CTNNA3: variants seen among roughly 807,000 people sequenced by gnomAD.
The protein encoded by CTNNA3 is catenin alpha-3.
Under a neutral mutation model 95.7 loss-of-function variants are expected in CTNNA3, and 76 were observed. That is an observed-to-expected ratio of 0.79 (90% CI 0.66 to 0.96). The LOEUF is 0.96. Ranked by LOEUF, CTNNA3 falls within the 40% of genes least tolerant of loss-of-function variation. The probability of loss-of-function intolerance (pLI) is 0.00; values close to 1 mark genes in which losing one functional copy is unlikely to be tolerated. For missense variants in CTNNA3, 1,191 were observed against 1,089.8 expected (o/e 1.09, Z -1.31); for synonymous variants, 431 against 374.4 (o/e 1.15, Z -1.74).
intron 5 of CTNNA3, among the ~76,000 whole-genome samples, chr10:67,331,595 G>C (rs1841797806): frequency 6.6e-6 from 1 of 152,110 alleles, no homozygotes; most frequent in South Asian, 2.1e-4. Context: ...CTATCACTCA[G>C]CTATTCAAGT....
intron 7 of CTNNA3, among the ~76,000 whole-genome samples, chr10:67,002,872 C>T (rs999216647): frequency 2.6e-5 from 4 of 151,976 alleles, no homozygotes; most frequent in Non-Finnish European, 5.9e-5. Flanking sequence ...ATAAACTAGA[C>T]TAGGAAAGGA....
At position 66,401,846 on chromosome 10, in the gene CTNNA3, A is replaced by G. The variant is rs539966121; in HGVS notation, c.1532-22494T>C. 9.4e-3 allele frequency among the ~76,000 whole-genome samples: 1,424 copies of G among 151,800 alleles called. 7 individuals are homozygous for G. Among genetic ancestry groups the G allele is most frequent in the Middle Eastern group, 0.02 (6 of 294 alleles). ...GCTAATTTTTGTAGTTTTAGTAGAG[A>G]CGGGGTTTCGCCATGTTGGCCAGGC... On this transcript the variant is annotated intron_variant, in intron 11 of 17. Coordinates refer to ENST00000433211, the MANE Select transcript of CTNNA3 (RefSeq NM_013266.4).
chr10:66,375,213 C>A (rs1208419959), intron 12 of CTNNA3, among the ~76,000 whole-genome samples: 1 of 150,082 alleles, frequency 6.7e-6, no homozygotes, highest in East Asian at 2.0e-4. Context: ...TGGAAGGTGC[C>A]TTTTGGCCCA....
intron 1 of CTNNA3, among the ~76,000 whole-genome samples, chr10:67,658,010 G>A (rs1215848178): frequency 6.6e-6 from 1 of 152,228 alleles, no homozygotes; most frequent in African/African-American, 2.4e-5. Context: ...AGGGTAATAT[G>A]CAGCAGCCCA....
intron 7 of CTNNA3, among the ~76,000 whole-genome samples, chr10:67,169,432 A>T (rs1397200735): frequency 6.6e-6 from 1 of 152,128 alleles, no homozygotes; most frequent in African/African-American, 2.4e-5. Flanking sequence ...AAAAAAAGAC[A>T]CGTAGACCAG....
chr10:66,609,075 T>A (rs1397607822), intron 10 of CTNNA3, among the ~76,000 whole-genome samples: 1 of 151,810 alleles, frequency 6.6e-6, no homozygotes, highest in Non-Finnish European at 1.5e-5. Context: ...TTTTTCTTTT[T>A]TTGAGACAGA....
intron 5 of CTNNA3, among the ~76,000 whole-genome samples, chr10:67,400,665 C>G (rs1161330849): frequency 1.3e-5 from 2 of 152,070 alleles, no homozygotes; most frequent in Non-Finnish European, 2.9e-5. Flanking sequence ...AAATTATATA[C>G]ACAAACAAGT....
chr10:66,967,598 A>T (rs1849505357), intron 7 of CTNNA3, among the ~76,000 whole-genome samples: 1 of 152,024 alleles, frequency 6.6e-6, no homozygotes, highest in African/African-American at 2.4e-5. Flanking sequence ...ATGAGGCGGG[A>T]CTATGTAAAA....
intron 9 of CTNNA3, among the ~76,000 whole-genome samples, chr10:66,654,411 C>A (rs1225989878): frequency 1.3e-5 from 2 of 152,018 alleles, no homozygotes; most frequent in Non-Finnish European, 2.9e-5. Flanking sequence ...AGCTATATCA[C>A]CTTATACCTG....
chr10:66,285,618 T>C lies in CTNNA3; in HGVS notation c.1733-4997A>G, dbSNP rs57312183. 2.1e-3 allele frequency among the ~76,000 whole-genome samples: 320 copies of C among 151,934 alleles called. 2 individuals carry two copies. The highest frequency in any genetic ancestry group is 7.4e-3 in the African/African-American group (308 of 41,530). ...AAAGTTGGACCTGAACCAAGTAATG[T>C]TCTATGATGACCTTTGTTCTTTTAT... On this transcript the variant is annotated intron_variant, in intron 12 of 17. Transcript: ENST00000433211.
intron 12 of CTNNA3, among the ~76,000 whole-genome samples, chr10:66,327,446 A>G (rs2092268040): frequency 6.6e-6 from 1 of 152,082 alleles, no homozygotes; most frequent in Non-Finnish European, 1.5e-5. Context: ...GCAATTGTTT[A>G]TCACTACCCA....
intron 7 of CTNNA3, among the ~76,000 whole-genome samples, chr10:66,904,787 T>C (rs1845913459): frequency 6.6e-6 from 1 of 152,178 alleles, no homozygotes; most frequent in South Asian, 2.1e-4. Flanking sequence ...TCATCACTGG[T>C]CATCAGATAA....
At chr10:66,154,252 C>T (rs115121856) in intron 13 of CTNNA3, among the ~76,000 whole-genome samples, 1,521 of 151,806 alleles carry the variant, frequency 0.01, 33 homozygotes, top group African/African-American at 0.035. Context: ...CCTCTTTGGA[C>T]TTATATTTTA....
At chr10:66,207,532 A>G (rs2087840863) in intron 13 of CTNNA3, among the ~76,000 whole-genome samples, 2 of 152,034 alleles carry the variant, frequency 1.3e-5, no homozygotes, top group South Asian at 4.1e-4. Context: ...TCTTAGCCAT[A>G]TTCTTTGCTC....
intron 9 of CTNNA3, among the ~76,000 whole-genome samples, chr10:66,640,636 C>A (rs1845484826): frequency 6.6e-6 from 1 of 152,218 alleles, no homozygotes; most frequent in Non-Finnish European, 1.5e-5. Context: ...TTAAGAAAAT[C>A]ATAATACCCA....
At chr10:66,938,632 T>C (rs1847844775) in intron 7 of CTNNA3, among the ~76,000 whole-genome samples, 1 of 152,146 alleles carries the variant, frequency 6.6e-6, no homozygotes. Flanking sequence ...GTGAGTAGAC[T>C]CATGCAGCTC....
At position 67,553,575 on chromosome 10, in the gene CTNNA3, G is replaced by A. The variant is rs1051001178; in HGVS notation, c.293-13906C>T. The stretch of plus-strand genomic sequence containing the variant: ...TGCATTTTACTTATTAGCAGCATTT[G>A]AGGAATGGCATTTAAAAATACGGGA... On this transcript the variant is annotated intron_variant, in intron 3 of 17. Transcript: ENST00000433211. 1.1e-4 allele frequency among the ~76,000 whole-genome samples: 16 copies of A among 152,282 alleles called. No individual in the cohort carries two copies. The South Asian group carries it at 1.9e-3, about 18-fold the overall frequency.
chr10:66,433,243 G>T (rs907243190), intron 11 of CTNNA3, among the ~76,000 whole-genome samples: 2 of 152,124 alleles, frequency 1.3e-5, no homozygotes, highest in African/African-American at 4.8e-5. Flanking sequence ...CACAATGGTT[G>T]AACTAATTTA....
Position 66,776,792 on chromosome 10 carries a change from T to G in CTNNA3, c.1048-1268A>C, listed in dbSNP as rs573668414. ...CTCACTTTTCCTTTTTCCAACAGCA[T>G]TTTGAGTGTTTTTCAATATAATCAT... is the stretch of plus-strand genomic sequence containing the variant. On this transcript the variant is annotated intron_variant, in intron 7 of 17. Transcript: ENST00000433211. Among the ~76,000 whole-genome samples, 5 of 152,278 alleles carry G rather than the reference T, an allele frequency of 3.3e-5. No individual in the cohort carries two copies. In the South Asian group the frequency reaches 1.0e-3, roughly 32 times the overall value.
Sources: allele counts gnomAD v4.1 joint callset (sites outside exome capture counted in the v4.1 genomes callset), GRCh38; gene constraint gnomAD v4.1.1; transcripts MANE v1.5; gene names NCBI Gene and HGNC (gene_info 2026-07-23, HGNC 2026-07-21).